The following MYO7A variants were observed in gnomAD, a reference collection of about 807,000 sequenced individuals.
The protein encoded by MYO7A is unconventional myosin-VIIa.
MYO7A carries 210 observed loss-of-function variants against 263.8 expected under a neutral mutation model. That is an observed-to-expected ratio of 0.80 (90% CI 0.71 to 0.89). The LOEUF is 0.89. Among genes scored for constraint, MYO7A ranks in the 40% least tolerant of loss-of-function variants. The pLI is 0.00. For missense variants in MYO7A, 2,820 were observed against 2,968.3 expected (o/e 0.95, Z 1.16); for synonymous variants, 1,239 against 1,197.3 (o/e 1.03, Z -0.72).
chr11:77,202,931 G>A, intron 37 of MYO7A, 129 bp from the exon 38 acceptor site: 1 of 1,194,946 alleles, frequency 8.4e-7, no homozygotes, highest in Non-Finnish European at 1.2e-6. Flanking sequence ...GCAGGGAAGA[G>A]CAGGGCCTGG....
intron 32 of MYO7A, among the ~76,000 whole-genome samples, chr11:77,197,099 G>A (rs543326615): frequency 6.6e-6 from 1 of 152,184 alleles, no homozygotes; most frequent in East Asian, 1.9e-4. Context: ...TCTCTTCCCC[G>A]TCTGCCCTGC....
At chr11:77,164,696 T>C (rs2135332137) in intron 14 of MYO7A, among the ~76,000 whole-genome samples, 2 of 152,354 alleles carry the variant, frequency 1.3e-5, no homozygotes, top group Admixed American at 1.3e-4. Flanking sequence ...GTTCAACCAA[T>C]ATGCTCTTAG....
At chr11:77,172,698 C>T (rs782413435) in intron 15 of MYO7A, 50 bp from the exon 16 acceptor site, 136 of 1,544,914 alleles carry the variant, frequency 8.8e-5, no homozygotes, top group Non-Finnish European at 1.1e-4. Context: ...TCCTGGGACA[C>T]TGGATGGGGC....
At chr11:77,134,083 C>T (rs1950844871) in intron 2 of MYO7A, among the ~76,000 whole-genome samples, 1 of 151,072 alleles carries the variant, frequency 6.6e-6, no homozygotes, top group Non-Finnish European at 1.5e-5. Flanking sequence ...GCGTGCACCA[C>T]CATACCTGGC....
chr11:77,137,054 A>T (rs1048717861), intron 2 of MYO7A, among the ~76,000 whole-genome samples: 76 of 152,300 alleles, frequency 5.0e-4, no homozygotes, highest in African/African-American at 1.8e-3. Context: ...CACCACCAGC[A>T]CTTCCTTGTG....
intron 4 of MYO7A, among the ~76,000 whole-genome samples, chr11:77,149,182 C>T (rs1378637099): frequency 3.9e-5 from 6 of 152,146 alleles, no homozygotes; most frequent in Middle Eastern, 3.2e-3. Flanking sequence ...CTCCCGCAGC[C>T]CAAGGGTAAA....
intron 13 of MYO7A, 54 bp downstream of exon 13, chr11:77,162,384 C>T: frequency 1.3e-6 from 2 of 1,503,848 alleles, no homozygotes; most frequent in East Asian, 2.5e-5. Context: ...CAGCTTCCTT[C>T]CCTGCTTTGA....
chr11:77,200,378 G>A (rs1239694912), intron 35 of MYO7A, among the ~76,000 whole-genome samples: 1 of 152,176 alleles, frequency 6.6e-6, no homozygotes, highest in Non-Finnish European at 1.5e-5. Context: ...AGGGGTGCCT[G>A]CATCAGAAGG....
chr11:77,171,882 G>T (rs1373616179), intron 15 of MYO7A, among the ~76,000 whole-genome samples: 2 of 152,202 alleles, frequency 1.3e-5, no homozygotes, highest in Non-Finnish European at 2.9e-5. Flanking sequence ...TTCTCAGAGG[G>T]GACCCCAGTA....
rs116198912 is a variant in MYO7A, at chr11:77,197,361, C to T, written c.4324-120C>T. ...GACAGATGGGAGCAGGGCAAGGCCA[C>T]GATGCACAGGAGGTGCAGGAGCCCC... is the stretch of plus-strand genomic sequence containing the variant. On this transcript the variant is annotated intron_variant, in intron 32 of 48. Transcript: ENST00000409709. 1.9e-3 allele frequency: 1,357 copies of T among 701,350 alleles called. 10 individuals carry two copies. Among genetic ancestry groups the T allele is most frequent in the African/African-American group, 0.017 (948 of 55,814 alleles). 43.4% of individuals were successfully genotyped at this position (701,350 alleles called of 1,614,324 possible). A position where few individuals can be genotyped will look rare whatever the true frequency, so the allele number is the denominator to read the frequency against.
At position 77,156,065 on chromosome 11, in the gene MYO7A, C is replaced by T. The variant is rs1253765162; in HGVS notation, c.444C>T (p.Asn148=). Residue 148 remains asparagine (N), a synonymous_variant, in exon 5 of 49, where the codon AAC becomes AAT. Transcript: ENST00000409709. ...ADNCYFNMKR[N]SRDQCCIISG... is the part of the protein sequence containing the mutation. Reference sequence around the variant, plus strand: ...ACTGCTACTTCAACATGAAACGCAACAGCCGAGACCAGTGCTGCATCATCA... The same window carrying T: ...ACTGCTACTTCAACATGAAACGCAATAGCCGAGACCAGTGCTGCATCATCA... 15 of 1,613,826 alleles carry T rather than the reference C, an allele frequency of 9.3e-6. No individual in the cohort carries two copies. In the Admixed American group the frequency reaches 1.3e-4, roughly 14 times the overall value.
At chr11:77,128,740 G>A (rs926796294) in intron 1 of MYO7A, among the ~76,000 whole-genome samples, 2 of 152,222 alleles carry the variant, frequency 1.3e-5, no homozygotes, top group East Asian at 3.8e-4. Context: ...TCTCTGAGCT[G>A]GGGCTGGGGT....
At chr11:77,188,256 A>G (rs1425767303) in intron 27 of MYO7A, among the ~76,000 whole-genome samples, 1 of 152,174 alleles carries the variant, frequency 6.6e-6, no homozygotes, top group East Asian at 1.9e-4. Context: ...AAAAGGAGGG[A>G]TGTTTCTGAA....
In MYO7A at chr11:77,196,215, A is replaced by G. The variant is rs548990806; in HGVS notation, c.4324-1266A>G. On this transcript the variant is annotated intron_variant, in intron 32 of 48. Transcript: ENST00000409709. ...AACCCCGTCTCTACTAAAAATGCAA[A>G]AATTCACCAGGCGTGGTGGTGGGTG... Among the ~76,000 whole-genome samples the G allele has an allele frequency of 2.0e-5, 3 of 152,334 alleles. No homozygotes were observed. In the East Asian group the frequency reaches 5.8e-4, roughly 29 times the overall value.
chr11:77,205,378 C>A, intron 39 of MYO7A, 84 bp from the exon 40 acceptor site: 1 of 1,465,236 alleles, frequency 6.8e-7, no homozygotes, highest in Middle Eastern at 2.2e-4. Flanking sequence ...CTGAGGGGTA[C>A]ATGGCCCCCT....
At chr11:77,164,414 A>T (rs1263220136) in intron 14 of MYO7A, among the ~76,000 whole-genome samples, 6 of 151,882 alleles carry the variant, frequency 4.0e-5, no homozygotes, top group Middle Eastern at 3.2e-3. Flanking sequence ...TTAAAAATTA[A>T]TTTTTTTTTA....
At position 77,156,921 on chromosome 11, in the gene MYO7A, GACATCC is replaced by G. The variant is rs1952522892; in HGVS notation, c.655_660del (p.Ile219_His220del). The G allele has an allele frequency of 6.2e-7, 1 of 1,613,990 alleles. No homozygotes were observed. ...CTCAAGCCGTTTCGGAAAGTACATCGACATCCACTTCAACAAGCGGGGCGCCATCGA... is the reference window on the plus strand; with the variant it reads ...CTCAAGCCGTTTCGGAAAGTACATCGACTTCAACAAGCGGGGCGCCATCGA... On this transcript the variant is annotated inframe_deletion, in exon 7 of 49. Coordinates refer to ENST00000409709, the MANE Select transcript of MYO7A (RefSeq NM_000260.4).
intron 4 of MYO7A, among the ~76,000 whole-genome samples, chr11:77,150,136 C>A (rs1555056399): frequency 6.6e-6 from 1 of 152,224 alleles, no homozygotes; most frequent in Admixed American, 6.5e-5. Flanking sequence ...AGGCTGGAAC[C>A]CAAGGCCCAC....
At chr11:77,155,883 C>T (rs370101983) in intron 4 of MYO7A, 24 bp from the exon 5 acceptor site, 60 of 1,554,376 alleles carry the variant, frequency 3.9e-5, no homozygotes, top group Non-Finnish European at 5.1e-5. Context: ...AATCAGCGAG[C>T]TCCCCATCTC....
Sources: gnomAD v4.1 joint callset for allele counts (sites outside exome capture counted in the v4.1 genomes callset) on GRCh38, gnomAD v4.1.1 for gene constraint, MANE v1.5 for transcripts, NCBI Gene and HGNC (gene_info 2026-07-23, HGNC 2026-07-21) for gene names.